The following ZC3HAV1 variants were observed in gnomAD, a reference collection of about 807,000 sequenced individuals.
ZC3HAV1 encodes the protein zinc finger CCCH-type antiviral protein 1.
In ZC3HAV1, 41 loss-of-function variants were observed where a neutral mutation model predicts 86.6. That is an observed-to-expected ratio of 0.47 (90% CI 0.37 to 0.61). ZC3HAV1 has a LOEUF of 0.61. Ranked by LOEUF, ZC3HAV1 falls within the 20% of genes least tolerant of loss-of-function variation. The pLI, the probability that ZC3HAV1 is intolerant of heterozygous loss-of-function variation, is 0.00. For synonymous variants in ZC3HAV1, 421 were observed against 432.1 expected (o/e 0.97, Z 0.32); for missense variants, 964 against 1,141.1 (o/e 0.84, Z 2.24).
intron 2 of ZC3HAV1, among the ~76,000 whole-genome samples, chr7:139,088,460 C>T (rs1485715574): frequency 7.2e-5 from 11 of 152,168 alleles, no homozygotes; most frequent in Non-Finnish European, 1.6e-4. Flanking sequence ...AAACTGCTTG[C>T]CTTCCATTTA....
At chr7:139,066,012 G>C (rs1816596790) in intron 7 of ZC3HAV1, among the ~76,000 whole-genome samples, 1 of 152,134 alleles carries the variant, frequency 6.6e-6, no homozygotes, top group South Asian at 2.1e-4. Context: ...GTAGGTAAAA[G>C]GGAAATGAGT....
At chr7:139,066,273 G>C (rs2130685740) in intron 7 of ZC3HAV1, among the ~76,000 whole-genome samples, 1 of 152,262 alleles carries the variant, frequency 6.6e-6, no homozygotes, top group African/African-American at 2.4e-5. Flanking sequence ...ACTTTCAGCT[G>C]GACCGACGCC....
At chr7:139,092,361 C>T (rs1164494131) in intron 1 of ZC3HAV1, among the ~76,000 whole-genome samples, 2 of 152,096 alleles carry the variant, frequency 1.3e-5, no homozygotes, top group Non-Finnish European at 2.9e-5. Flanking sequence ...GGAAACAAGG[C>T]TAGGTGATTA....
At chr7:139,087,855 C>T (rs1391463450) in intron 2 of ZC3HAV1, among the ~76,000 whole-genome samples, 1 of 151,112 alleles carries the variant, frequency 6.6e-6, no homozygotes, top group Admixed American at 6.6e-5. Context: ...ATAGTGAGAC[C>T]CTGTCCCTAC....
intron 2 of ZC3HAV1, among the ~76,000 whole-genome samples, chr7:139,087,415 C>CAA (rs746565899): frequency 1.5e-5 from 2 of 133,912 alleles, no homozygotes; most frequent in Admixed American, 1.5e-4. Flanking sequence ...GGGACAGAGA[C>CAA]AGAGAGAGAG....
At chr7:139,081,983 G>A (rs1447427160) in intron 3 of ZC3HAV1, among the ~76,000 whole-genome samples, 1 of 152,206 alleles carries the variant, frequency 6.6e-6, no homozygotes, top group East Asian at 1.9e-4. Context: ...AGCAGCACTT[G>A]GCTGGGCATG....
intron 9 of ZC3HAV1, 81 bp from the exon 10 acceptor site, chr7:139,055,376 G>T: frequency 8.6e-7 from 1 of 1,163,950 alleles, no homozygotes; most frequent in Non-Finnish European, 1.3e-6. Context: ...CCAGCCACTA[G>T]GCCAAGGATG....
chr7:139,067,105 C>A (rs1816627578), intron 7 of ZC3HAV1, among the ~76,000 whole-genome samples: 1 of 152,098 alleles, frequency 6.6e-6, no homozygotes, highest in Admixed American at 6.6e-5. Context: ...TCTGCGCTGT[C>A]CTATATGATA....
Position 139,079,875 on chromosome 7 carries a change from C to A in ZC3HAV1, c.1066G>T (p.Ala356Ser), listed in dbSNP as rs753713164. 1 of 1,614,128 alleles carries A rather than the reference C, an allele frequency of 6.2e-7. No homozygotes were observed. The highest frequency in any genetic ancestry group is 1.1e-5 in the South Asian group (1 of 91,082). ...GATGTGAGGCTCTTCCAGTTGGGGG[C>A]TGATGTTGAATTGGAAGCAAGGTAA... ...STYLASNSTSAPNWKSLTSWT... is the reference protein window; with the variant it reads ...STYLASNSTSSPNWKSLTSWT... Residue 356 changes from alanine to serine, a missense_variant, in exon 4 of 13, where the codon GCC becomes TCC. Physicochemically the swap from Ala to Ser is moderately conservative, Grantham distance 99. Transcript: ENST00000242351.
rs200143282 is a variant in ZC3HAV1 at position 139,053,572 on chromosome 7, C to A, written c.2328G>T (p.Ser776=). ...ELLDKFTWKK[S]QMKEEGKLLF... is the part of the protein sequence containing the mutation. ...GGAGTTTTCCTTCTTCCTTCATCTG[C>A]GATTTCTTCCTAATATAAGAGATGT... Residue 776 remains serine, a synonymous_variant, in exon 12 of 13, where the codon TCG becomes TCT. Transcript: ENST00000242351. 6 of 1,594,596 alleles carry A rather than the reference C, an allele frequency of 3.8e-6. No homozygotes were observed. In the Admixed American group the frequency reaches 1.1e-4, roughly 29 times the overall value.
Position 139,079,755 on chromosome 7 carries a change from C to T in ZC3HAV1, c.1186G>A (p.Ala396Thr). Residue 396 changes from alanine (A) to threonine (T), a missense_variant, in exon 4 of 13, where the codon GCT becomes ACT. By Grantham distance (58) the Ala-to-Thr change is moderately conservative (BLOSUM62 0). Transcript: ENST00000242351. ...CCTGTGCCCTTTCTGGTGGTCACAG[C>T]TTCAGGTGTTTGCAGAGAGCCAAGA... ...SSLGSLQTPE[A>T]VTTRKGTGLL... 1.9e-6 allele frequency: 3 copies of T among 1,614,180 alleles called. No individual in the cohort carries two copies. Among genetic ancestry groups the T allele is most frequent in the Non-Finnish European group, 2.5e-6 (3 of 1,180,044 alleles).
At chr7:139,055,319 A>C in intron 9 of ZC3HAV1, 24 bp from the exon 10 acceptor site, 1 of 1,597,598 alleles carries the variant, frequency 6.3e-7, no homozygotes, top group Non-Finnish European at 8.6e-7. Flanking sequence ...GAAAGAATTC[A>C]CTTAACTCTC....
In ZC3HAV1 at chr7:139,061,104, T is replaced by G; in HGVS notation, c.2028A>C (p.Gln676His). Residue 676 changes from glutamine (Q) to histidine (H), a missense_variant, in exon 9 of 13, where the codon CAA becomes CAC. Coordinates refer to ENST00000242351, the MANE Select transcript of ZC3HAV1 (RefSeq NM_020119.4). ...ATGTTGGTCTTCTGATGACATCCTTTTGAGTTTTGGAAGCTATGTTTGTCT... is the reference window on the plus strand; with the variant it reads ...ATGTTGGTCTTCTGATGACATCCTTGTGAGTTTTGGAAGCTATGTTTGTCT... ...MIQTNIASKT[Q>H]KDVIRRPTFV... 6.2e-7 allele frequency: 1 copy of G among 1,613,716 alleles called. No homozygotes were observed.
chr7:139,102,679 C>T lies in ZC3HAV1; in HGVS notation c.308+6345G>A, dbSNP rs1268215881. On this transcript the variant is annotated intron_variant, in intron 1 of 12. Transcript: ENST00000242351. ...GGCTGAGGCAAGAGGAATGCTTGAG[C>T]CCAGGCACTCGAGACCAGCCTGGGC... is the stretch of plus-strand genomic sequence containing the variant. 3.3e-5 allele frequency among the ~76,000 whole-genome samples: 5 copies of T among 151,522 alleles called. No homozygotes were observed. The South Asian group carries it at 6.3e-4, about 19-fold the overall frequency.
chr7:139,106,762 A>G (rs952071062), intron 1 of ZC3HAV1, among the ~76,000 whole-genome samples: 32 of 152,056 alleles, frequency 2.1e-4, no homozygotes, highest in Non-Finnish European at 1.3e-4. Flanking sequence ...AAATGTGATC[A>G]TTGTACTGTA....
chr7:139,055,234 A>C lies in ZC3HAV1; in HGVS notation c.2158T>G (p.Phe720Val), dbSNP rs141845165. ...TATTTCTTTGAGGATAGGAAGCAAAAGTCCTCCTGAGGACGAAAGGTCGCA... is the reference window on the plus strand; with the variant it reads ...TATTTCTTTGAGGATAGGAAGCAAACGTCCTCCTGAGGACGAAAGGTCGCA... ...LTATFRPQEDFCFLSSKKYKL... is the reference protein window; with the variant it reads ...LTATFRPQEDVCFLSSKKYKL... The change falls in exon 10 of 13, where the codon TTT becomes GTT. Residue 720 changes from phenylalanine to valine, a missense_variant. Phe to Val is a conservative substitution (Grantham distance 50). Transcript: ENST00000242351. The C allele has an allele frequency of 9.5e-5, 153 of 1,613,196 alleles. 2 individuals are homozygous for C. In the South Asian group the frequency reaches 1.3e-3, roughly 13 times the overall value.
intron 1 of ZC3HAV1, among the ~76,000 whole-genome samples, chr7:139,100,234 T>G (rs769091151): frequency 1.8e-4 from 28 of 151,884 alleles, no homozygotes; most frequent in Middle Eastern, 3.4e-3. Context: ...ATATAAAGAA[T>G]TAAAACCACA....
chr7:139,100,375 CA>C lies in ZC3HAV1; in HGVS notation c.308+8648del, dbSNP rs111487039. On this transcript the variant is annotated intron_variant, in intron 1 of 12. Coordinates refer to ENST00000242351, the MANE Select transcript of ZC3HAV1 (RefSeq NM_020119.4). ...TGAAACCCTGTCTCTACCCAAAATA[CA>C]AAAAAAAAAAATTAGCCAGGGGTGG... Among the ~76,000 whole-genome samples, 544 of 146,066 alleles carry C rather than the reference CA, an allele frequency of 3.7e-3. 1 individual carries two copies. Among genetic ancestry groups the C allele is most frequent in the Non-Finnish European group, 6.1e-3 (405 of 65,916 alleles).
Position 139,046,269 on chromosome 7 carries a change from G to A in ZC3HAV1, c.*1325C>T, listed in dbSNP as rs1294097492. The A allele has an allele frequency of 6.6e-6, 1 of 152,130 alleles. No individual in the cohort carries two copies. Among genetic ancestry groups the A allele is most frequent in the Non-Finnish European group, 1.5e-5 (1 of 68,022 alleles). 9.4% of individuals were successfully genotyped at this position (152,130 alleles called of 1,614,324 possible). ...TCTTTGGGATATTGTTCTTTGTTCT[G>A]ATTCTGTGCTCACCAGGAAACAAAT... On this transcript the variant is annotated 3_prime_UTR_variant, in exon 13 of 13. Transcript: ENST00000242351.
Sources: allele counts gnomAD v4.1 joint callset (sites outside exome capture counted in the v4.1 genomes callset), GRCh38; gene constraint gnomAD v4.1.1; transcripts MANE v1.5; gene names NCBI Gene and HGNC (gene_info 2026-07-23, HGNC 2026-07-21).